KCTD1: variants seen among roughly 807,000 people sequenced by gnomAD.
KCTD1 encodes BTB/POZ domain-containing protein KCTD1.
KCTD1 carries 24 observed loss-of-function variants against 66.0 expected under a neutral mutation model. That is an observed-to-expected ratio of 0.36 (90% CI 0.26 to 0.51). The LOEUF (loss-of-function observed/expected upper bound fraction) is 0.51, where lower values mean the gene tolerates loss of function less well. Ranked by LOEUF, KCTD1 falls within the 20% of genes least tolerant of loss-of-function variation. The probability of loss-of-function intolerance (pLI) is 0.95; values close to 1 mark genes in which losing one functional copy is unlikely to be tolerated. For missense variants in KCTD1, 943 were observed against 1,205.2 expected (o/e 0.78, Z 3.22); for synonymous variants, 511 against 517.2 (o/e 0.99, Z 0.16).
intron 2 of KCTD1, among the ~76,000 whole-genome samples, chr18:26,479,122 C>G (rs1981495350): frequency 6.6e-6 from 1 of 152,226 alleles, no homozygotes; most frequent in Admixed American, 6.5e-5. Flanking sequence ...TAGAAAAAAG[C>G]TGCAAAGAGA....
intron 2 of KCTD1, among the ~76,000 whole-genome samples, chr18:26,493,257 A>G (rs1234277307): frequency 6.6e-6 from 1 of 152,162 alleles, no homozygotes; most frequent in Non-Finnish European, 1.5e-5. Context: ...CAGGGGTGCA[A>G]ATGTGCGATG....
Position 26,455,110 on chromosome 18 carries a change from C to CAA in KCTD1, c.*631_*632dup, listed in dbSNP as rs562891846. On this transcript the variant is annotated 3_prime_UTR_variant, in exon 5 of 5. Coordinates refer to ENST00000580059, the MANE Select transcript of KCTD1 (RefSeq NM_001142730.3). ...TTGGCAAAACTGATCAGTTTTAAAA[C>CAA]AAAGTAAAGTTCACATCTGTGAGGT... 2.6e-5 allele frequency: 4 copies of CAA among 152,570 alleles called. No homozygotes were observed. Among genetic ancestry groups the CAA allele is most frequent in the Non-Finnish European group, 5.9e-5 (4 of 68,030 alleles). 9.5% of individuals were successfully genotyped at this position (152,570 alleles called of 1,614,324 possible).
intron 1 of KCTD1, among the ~76,000 whole-genome samples, chr18:26,560,524 A>T (rs1277938553): frequency 6.6e-6 from 1 of 152,184 alleles, no homozygotes; most frequent in East Asian, 1.9e-4. Flanking sequence ...TGGCCTGGGC[A>T]TGGGGACTTT....
intron 1 of KCTD1, among the ~76,000 whole-genome samples, chr18:26,507,720 A>G (rs1983117170): frequency 3.3e-5 from 5 of 152,044 alleles, no homozygotes; most frequent in Admixed American, 2.0e-4. Context: ...TTTTAAAAAA[A>G]GAATGATGCC....
intron 1 of KCTD1, among the ~76,000 whole-genome samples, chr18:26,649,669 C>T (rs1452895524): frequency 1.3e-5 from 2 of 152,046 alleles, no homozygotes; most frequent in Non-Finnish European, 2.9e-5. Flanking sequence ...CCACCACGCC[C>T]GGCTAATTTT....
At chr18:26,609,575 A>C (rs569551598) in intron 1 of KCTD1, among the ~76,000 whole-genome samples, 4 of 152,312 alleles carry the variant, frequency 2.6e-5, no homozygotes, top group African/African-American at 9.6e-5. Flanking sequence ...TACTTTTTAA[A>C]TAACTGATTT....
At chr18:26,586,527 G>A (rs866500430) in intron 1 of KCTD1, among the ~76,000 whole-genome samples, 1 of 152,186 alleles carries the variant, frequency 6.6e-6, no homozygotes, top group African/African-American at 2.4e-5. Flanking sequence ...AGAGTCGCAT[G>A]TCTAAATAAA....
chr18:26,643,116 AGC>A (rs1987862489), upstream of KCTD1, among the ~76,000 whole-genome samples: 1 of 152,144 alleles, frequency 6.6e-6, no homozygotes, highest in Admixed American at 6.5e-5. Flanking sequence ...AAGATCAAGG[AGC>A]CAGAGAAGCA....
At chr18:26,628,503 T>A (rs1239604731) in intron 1 of KCTD1, among the ~76,000 whole-genome samples, 1 of 151,786 alleles carries the variant, frequency 6.6e-6, no homozygotes, top group Non-Finnish European at 1.5e-5. Flanking sequence ...TCTTCAAACA[T>A]GCCAAAGGCA....
chr18:26,582,852 C>A (rs1234428919), intron 1 of KCTD1, among the ~76,000 whole-genome samples: 2 of 151,578 alleles, frequency 1.3e-5, no homozygotes, highest in Admixed American at 1.3e-4. Context: ...CATAGACTAT[C>A]TTTAGAAAAA....
intron 1 of KCTD1, among the ~76,000 whole-genome samples, chr18:26,554,445 G>C (rs1033135010): frequency 1.3e-5 from 2 of 152,022 alleles, no homozygotes; most frequent in African/African-American, 4.8e-5. Context: ...CTAAACACTG[G>C]TACATGTTTT....
At chr18:26,643,803 A>G (rs572933856), upstream of KCTD1, among the ~76,000 whole-genome samples, 5 of 152,288 alleles carry the variant, frequency 3.3e-5, no homozygotes, top group East Asian at 7.7e-4. Context: ...TCTACTAAAA[A>G]TACAAAAAAT....
intron 1 of KCTD1, among the ~76,000 whole-genome samples, chr18:26,590,585 C>T (rs1270801044): frequency 2.0e-5 from 3 of 152,024 alleles, no homozygotes; most frequent in South Asian, 4.1e-4. Context: ...ATAAACTTAA[C>T]CAGGCCTTCT....
chr18:26,610,936 T>C (rs1213432079), intron 1 of KCTD1, among the ~76,000 whole-genome samples: 3 of 152,350 alleles, frequency 2.0e-5, no homozygotes, highest in South Asian at 2.1e-4. Context: ...TTGGTGTTCA[T>C]TGTTCATGCT....
chr18:26,555,746 A>G (rs1985692036), intron 1 of KCTD1, among the ~76,000 whole-genome samples: 2 of 152,388 alleles, frequency 1.3e-5, no homozygotes, highest in South Asian at 2.1e-4. Flanking sequence ...AAGAAGTTCA[A>G]TTAGGGTAAA....
At chr18:26,549,595 G>A (rs781441373), upstream of KCTD1, 28 of 746,314 alleles carry the variant, frequency 3.8e-5, no homozygotes, top group Admixed American at 6.3e-5. Flanking sequence ...CAACTCCCTC[G>A]GGCGAGGCGC....
intron 2 of KCTD1, among the ~76,000 whole-genome samples, chr18:26,490,839 G>A (rs1275005698): frequency 3.4e-5 from 5 of 147,096 alleles, no homozygotes; most frequent in Non-Finnish European, 7.5e-5. Flanking sequence ...TGCAATCTCC[G>A]CCTCCCGGGC....
Position 26,548,000 on chromosome 18 carries a change from G to T in KCTD1, c.537C>A (p.Ala179=), listed in dbSNP as rs980272572. 1 of 1,532,914 alleles carries T rather than the reference G, an allele frequency of 6.5e-7. No individual in the cohort carries two copies. Among genetic ancestry groups the T allele is most frequent in the Non-Finnish European group, 8.8e-7 (1 of 1,142,112 alleles). The allele number at this position is 1,532,914 out of a possible 1,614,324, so 95.0% of individuals were successfully genotyped here. The change falls in exon 1 of 5, where the codon GCC becomes GCA. Residue 179 remains alanine, a synonymous_variant. Transcript: ENST00000580059. ...SENTRLATRY[A]VRIFREYLSE... ...TCAGGTACTCCCGGAAGATGCGCAC[G>T]GCGTAGCGGGTGGCCAGCCGGGTGT...
At chr18:26,502,248 A>G (rs1194848098) in intron 1 of KCTD1, among the ~76,000 whole-genome samples, 2 of 152,130 alleles carry the variant, frequency 1.3e-5, no homozygotes, top group East Asian at 1.9e-4. Context: ...ACGGGGTTTC[A>G]CCGTGTTAGC....
Sources: gnomAD v4.1 joint callset for allele counts (sites outside exome capture counted in the v4.1 genomes callset) on GRCh38, gnomAD v4.1.1 for gene constraint, MANE v1.5 for transcripts, NCBI Gene and HGNC (gene_info 2026-07-23, HGNC 2026-07-21) for gene names.